RHOH: variants seen among roughly 807,000 people sequenced by gnomAD.
RHOH encodes ras homolog family member H.
RHOH carries 6 observed loss-of-function variants against 13.8 expected under a neutral mutation model. The observed-to-expected ratio is 0.44, with a 90% CI of 0.24 to 0.86. The LOEUF (loss-of-function observed/expected upper bound fraction) is 0.86, where lower values mean the gene tolerates loss of function less well. Among genes scored for constraint, RHOH ranks in the 40% least tolerant of loss-of-function variants. RHOH has a pLI of 0.24. For synonymous variants in RHOH, 117 were observed against 103.0 expected (o/e 1.14, Z -0.82); for missense variants, 147 against 244.5 (o/e 0.60, Z 2.66).
chr4:40,227,747 C>T (rs1460893845), intron 1 of RHOH, among the ~76,000 whole-genome samples: 5 of 151,722 alleles, frequency 3.3e-5, no homozygotes, highest in Admixed American at 2.0e-4. Flanking sequence ...AAACAATGAC[C>T]GTCTTGCTGG....
intron 1 of RHOH, among the ~76,000 whole-genome samples, chr4:40,229,826 G>A (rs1727689606): frequency 6.6e-6 from 1 of 151,832 alleles, no homozygotes; most frequent in Admixed American, 6.6e-5. Context: ...TTGTTTTCTG[G>A]AATAATATAA....
chr4:40,203,155 G>C (rs2109365784), intron 1 of RHOH, among the ~76,000 whole-genome samples: 1 of 152,196 alleles, frequency 6.6e-6, no homozygotes, highest in Admixed American at 6.5e-5. Flanking sequence ...TGTATTTTTA[G>C]TTGAGACGGA....
intron 1 of RHOH, among the ~76,000 whole-genome samples, chr4:40,201,654 CCT>C (rs1560682490): frequency 6.6e-6 from 1 of 151,974 alleles, no homozygotes; most frequent in African/African-American, 2.4e-5. Flanking sequence ...AGGCTCCCCA[CCT>C]TTTTTTTTTC....
upstream of RHOH, chr4:40,193,627 A>C (rs1722848824): frequency 6.5e-6 from 1 of 152,734 alleles, no homozygotes; most frequent in African/African-American, 2.4e-5. Context: ...CCTCCCCCTA[A>C]GAAAATCCTC....
chr4:40,237,914 C>G (rs1201197068), intron 1 of RHOH, among the ~76,000 whole-genome samples: 2 of 152,192 alleles, frequency 1.3e-5, no homozygotes, highest in Non-Finnish European at 2.9e-5. Context: ...TTCACTTTAG[C>G]TCTATATTAT....
chr4:40,229,590 T>C (rs150726974), intron 1 of RHOH, among the ~76,000 whole-genome samples: 6,352 of 147,938 alleles, frequency 0.043, 172 homozygotes, highest in South Asian at 0.054. Context: ...GTTGAGATCT[T>C]GCCATTGCAC....
intron 1 of RHOH, among the ~76,000 whole-genome samples, chr4:40,210,174 GACAGCT>G (rs1725101113): frequency 1.3e-5 from 2 of 151,492 alleles, no homozygotes; most frequent in Non-Finnish European, 1.5e-5. Flanking sequence ...ATCATAAGAG[GACAGCT>G]ATTGCTTGTA....
intron 1 of RHOH, among the ~76,000 whole-genome samples, chr4:40,233,146 G>A (rs1352109586): frequency 6.6e-6 from 1 of 152,080 alleles, no homozygotes. Context: ...TCTGTGCCAG[G>A]CACTATTCAA....
At chr4:40,234,483 A>T (rs1407821330) in intron 1 of RHOH, among the ~76,000 whole-genome samples, 1 of 152,036 alleles carries the variant, frequency 6.6e-6, no homozygotes, top group Non-Finnish European at 1.5e-5. Context: ...AGTGGAAGAG[A>T]CCAGTCAGGG....
intron 1 of RHOH, among the ~76,000 whole-genome samples, chr4:40,200,743 C>T (rs892699062): frequency 3.3e-5 from 5 of 152,200 alleles, no homozygotes; most frequent in African/African-American, 1.2e-4. Context: ...CGCATTTTAA[C>T]ACGCAAACGT....
intron 1 of RHOH, among the ~76,000 whole-genome samples, chr4:40,223,340 G>T (rs143986893): frequency 6.6e-5 from 10 of 152,118 alleles, no homozygotes; most frequent in African/African-American, 2.2e-4. Context: ...AAACTTCATT[G>T]TTGTCTTATT....
upstream of RHOH, chr4:40,193,918 C>G (rs1283680484): frequency 1.3e-5 from 2 of 152,274 alleles, no homozygotes; most frequent in African/African-American, 4.8e-5. Flanking sequence ...TGGTACAAGG[C>G]CTGAGGCCTG....
chr4:40,210,826 A>C (rs1725182293), intron 1 of RHOH, among the ~76,000 whole-genome samples: 1 of 152,232 alleles, frequency 6.6e-6, no homozygotes, highest in Admixed American at 6.5e-5. Flanking sequence ...GCATATATGC[A>C]GACATATAAT....
intron 1 of RHOH, among the ~76,000 whole-genome samples, chr4:40,202,657 A>G (rs967289416): frequency 6.6e-6 from 1 of 152,176 alleles, no homozygotes; most frequent in Non-Finnish European, 1.5e-5. Flanking sequence ...TGAGCTGTGG[A>G]TGCTAAAGGG....
chr4:40,205,545 A>G (rs1206251696), intron 1 of RHOH: 1 of 152,244 alleles, frequency 6.6e-6, no homozygotes, highest in Non-Finnish European at 1.5e-5. Context: ...CCTGTTGGTC[A>G]TCTTCCATTA....
At chr4:40,195,416 T>TCCTTCCTTCCTTCCTTCCCTC (rs1553932238), upstream of RHOH, among the ~76,000 whole-genome samples, 1 of 139,344 alleles carries the variant, frequency 7.2e-6, no homozygotes, top group African/African-American at 2.7e-5. Context: ...CTTCCTTCCT[T>TCCTTCCTTCCTTCCTTCCCTC]CCCTCCCCTT....
chr4:40,231,321 T>TG lies in RHOH; in HGVS notation c.-330-11393_-330-11392insG, dbSNP rs199757581. On this transcript the variant is annotated intron_variant, in intron 1 of 2. Transcript: ENST00000381799. ...AAGACCCACCTATTCTTAGGTGATT[T>TG]TTTTTTTTTTTTTTTTTGCTATACA... 7.6e-3 allele frequency among the ~76,000 whole-genome samples: 1,137 copies of TG among 149,836 alleles called. 9 individuals are homozygous for TG. The highest frequency in any genetic ancestry group is 0.026 in the African/African-American group (1,074 of 40,970).
intron 1 of RHOH, among the ~76,000 whole-genome samples, chr4:40,230,606 C>T (rs527518085): frequency 6.6e-6 from 1 of 151,536 alleles, no homozygotes; most frequent in Admixed American, 6.6e-5. Context: ...TGATCCACCC[C>T]CCTTAGCCTC....
rs1243493257 is a variant in RHOH at position 40,246,022 on chromosome 4, G to A, written c.*2060G>A. 1 of 152,228 alleles carries A rather than the reference G, an allele frequency of 6.6e-6. No individual in the cohort carries two copies. The highest frequency in any genetic ancestry group is 1.5e-5 in the Non-Finnish European group (1 of 68,078). 9.4% of individuals were successfully genotyped at this position (152,228 alleles called of 1,614,324 possible). A position where few individuals can be genotyped will look rare whatever the true frequency, so the allele number is the denominator to read the frequency against. ...GTCACCCGCCTCCCTTGATTGGAGA[G>A]CCCGTGTCTCTAGTTCTCAGCTCAG... On this transcript the variant is annotated 3_prime_UTR_variant, in exon 3 of 3. Transcript: ENST00000381799.
Sources: gnomAD v4.1 joint callset for allele counts (sites outside exome capture counted in the v4.1 genomes callset) on GRCh38, gnomAD v4.1.1 for gene constraint, MANE v1.5 for transcripts, NCBI Gene and HGNC (gene_info 2026-07-23, HGNC 2026-07-21) for gene names.